The following GGACT variants were observed in gnomAD, a reference collection of about 807,000 sequenced individuals.
GGACT encodes gamma-glutamylaminecyclotransferase.
For missense variants in GGACT, 241 were observed against 233.2 expected (o/e 1.03, Z -0.22); for synonymous variants, 118 against 115.3 (o/e 1.02, Z -0.15).
At chr13:100,555,671 A>C (rs2088703162) in intron 2 of GGACT, among the ~76,000 whole-genome samples, 1 of 152,324 alleles carries the variant, frequency 6.6e-6, no homozygotes, top group Non-Finnish European at 1.5e-5. Context: ...GTCTCAAAAA[A>C]TAAAAAAAGA....
chr13:100,553,800 C>T lies in GGACT; in HGVS notation c.-10-21199G>A, dbSNP rs191225044. ...CAGAGGTTGCAGTGAGCCAAGATCG[C>T]GCCACTGCACTCCAGCGGGGGTGAC... On this transcript the variant is annotated intron_variant, in intron 2 of 2. Coordinates refer to ENST00000683975, the MANE Select transcript of GGACT (RefSeq NM_001195087.2). 1.7e-3 allele frequency among the ~76,000 whole-genome samples: 249 copies of T among 149,916 alleles called. 3 individuals carry two copies. Among genetic ancestry groups the T allele is most frequent in the Non-Finnish European group, 2.9e-3 (196 of 67,792 alleles).
At chr13:100,587,615 T>G (rs1486184113) in intron 1 of GGACT, among the ~76,000 whole-genome samples, 1 of 152,234 alleles carries the variant, frequency 6.6e-6, no homozygotes, top group Non-Finnish European at 1.5e-5. Context: ...CACTTACAGG[T>G]AAATGTACAT....
Position 100,532,569 on chromosome 13 carries a change from C to A in GGACT, c.23G>T (p.Gly8Val). MALVFVY[G>V]TLKRGQPNHR... Reference sequence around the variant, plus strand: ...GTTGGGCTGACCCCGCTTCAGGGTGCCGTACACGAAGACTAGGGCCATCCG... The same window carrying A: ...GTTGGGCTGACCCCGCTTCAGGGTGACGTACACGAAGACTAGGGCCATCCG... The change falls in exon 3 of 3, where the codon GGC becomes GTC. Residue 8 changes from glycine (G) to valine (V), a missense_variant. Gly to Val is a moderately radical substitution (Grantham distance 109). Coordinates refer to ENST00000683975, the MANE Select transcript of GGACT (RefSeq NM_001195087.2). 6.5e-7 allele frequency: 1 copy of A among 1,546,104 alleles called. No individual in the cohort carries two copies. Among genetic ancestry groups the A allele is most frequent in the Non-Finnish European group, 8.7e-7 (1 of 1,144,218 alleles).
intron 2 of GGACT, among the ~76,000 whole-genome samples, chr13:100,554,758 T>A (rs1001728370): frequency 2.6e-5 from 4 of 152,228 alleles, no homozygotes; most frequent in African/African-American, 4.8e-5. Context: ...AAAGGCTCGA[T>A]AGTTATTGAA....
chr13:100,557,468 T>C (rs530971917), intron 2 of GGACT, among the ~76,000 whole-genome samples: 1 of 152,316 alleles, frequency 6.6e-6, no homozygotes, highest in African/African-American at 2.4e-5. Flanking sequence ...AGTAGACCCC[T>C]ACTTGTAGGG....
At chr13:100,562,183 T>C (rs1000083056) in intron 2 of GGACT, among the ~76,000 whole-genome samples, 48 of 152,184 alleles carry the variant, frequency 3.2e-4, no homozygotes, top group African/African-American at 1.2e-3. Flanking sequence ...ATTTTATTCT[T>C]CTATAAAACG....
chr13:100,553,869 C>T (rs945831910), intron 2 of GGACT, among the ~76,000 whole-genome samples: 2 of 142,328 alleles, frequency 1.4e-5, no homozygotes, highest in African/African-American at 5.2e-5. Flanking sequence ...AAGGTAGTAA[C>T]AGCCAAAATG....
At chr13:100,550,166 G>A (rs573440872) in intron 2 of GGACT, among the ~76,000 whole-genome samples, 38 of 152,096 alleles carry the variant, frequency 2.5e-4, no homozygotes, top group Non-Finnish European at 4.9e-4. Context: ...ACGCACGGCC[G>A]GCCACTGTGT....
At position 100,534,967 on chromosome 13, in the gene GGACT, C is replaced by CT. The variant is rs1246619207; in HGVS notation, c.-10-2367dup. Among the ~76,000 whole-genome samples, 1 of 152,240 alleles carries CT rather than the reference C, an allele frequency of 6.6e-6. No homozygotes were observed. Among genetic ancestry groups the CT allele is most frequent in the African/African-American group, 2.4e-5 (1 of 41,474 alleles). ...GGCCTACTCAGTCTGTCACATCACT[C>CT]TGTCTGGTTGTCGTTATAGCACACG... On this transcript the variant is annotated intron_variant, in intron 2 of 2. Coordinates refer to ENST00000683975, the MANE Select transcript of GGACT (RefSeq NM_001195087.2). The surrounding 1 kb of genome is among the most constrained non-coding windows in gnomAD (Gnocchi z 4.9).
At chr13:100,549,843 C>T (rs72661029) in intron 2 of GGACT, among the ~76,000 whole-genome samples, 7,722 of 152,200 alleles carry the variant, frequency 0.051, 244 homozygotes, top group East Asian at 0.16. Flanking sequence ...CACATGAGCA[C>T]ATACACACAA....
intron 2 of GGACT, among the ~76,000 whole-genome samples, chr13:100,556,592 G>T (rs548749977): frequency 4.5e-4 from 67 of 148,404 alleles, no homozygotes; most frequent in Middle Eastern, 3.5e-3. Flanking sequence ...AATCCCAGGG[G>T]TTTTTTTTTT....
chr13:100,570,811 G>A (rs905907724), intron 2 of GGACT, among the ~76,000 whole-genome samples: 13 of 152,074 alleles, frequency 8.5e-5, no homozygotes, highest in Non-Finnish European at 1.8e-4. Context: ...CAGTAAATTT[G>A]TACCACAGAG....
intron 2 of GGACT, among the ~76,000 whole-genome samples, chr13:100,540,422 A>G (rs2088542527): frequency 6.6e-6 from 1 of 152,120 alleles, no homozygotes; most frequent in Admixed American, 6.6e-5. Flanking sequence ...TGTTCATAAT[A>G]TTCTCTTGGC....
rs749568349 is a variant in GGACT at position 100,532,319 on chromosome 13, C to T, written c.273G>A (p.Thr91=). Reference sequence around the variant, plus strand: ...CCTCCAGCAGCTGTACCCGCAGCACCGTGCGCTGGTACAGGGCCGGGCAAC... The same window carrying T: ...CCTCCAGCAGCTGTACCCGCAGCACTGTGCGCTGGTACAGGGCCGGGCAAC... The part of the protein sequence containing the change: ...FESCPALYQR[T]VLRVQLLEDR... The change falls in exon 3 of 3, where the codon ACG becomes ACA. Residue 91 remains threonine (T), a synonymous_variant. Coordinates refer to ENST00000683975, the MANE Select transcript of GGACT (RefSeq NM_001195087.2). The T allele has an allele frequency of 1.1e-5, 17 of 1,549,642 alleles. No homozygotes were observed. Among genetic ancestry groups the T allele is most frequent in the Non-Finnish European group, 1.4e-5 (16 of 1,146,034 alleles).
intron 1 of GGACT, among the ~76,000 whole-genome samples, chr13:100,585,019 A>G (rs1462900767): frequency 6.6e-6 from 1 of 152,260 alleles, no homozygotes; most frequent in East Asian, 1.9e-4. Flanking sequence ...CTTCTGAAGT[A>G]GACTTGCCAA....
Position 100,531,114 on chromosome 13 carries a change from AT to A in GGACT, c.*1015del, listed in dbSNP as rs1308640255. ...TAAAGATCACAGCAGCTGCATTTTCATTTGGTTCTGAAATCCTTGGAATACA... is the reference window on the plus strand; with the variant it reads ...TAAAGATCACAGCAGCTGCATTTTCATTGGTTCTGAAATCCTTGGAATACA... On this transcript the variant is annotated 3_prime_UTR_variant, in exon 3 of 3. Coordinates refer to ENST00000683975, the MANE Select transcript of GGACT (RefSeq NM_001195087.2). The A allele has an allele frequency of 1.3e-5, 2 of 152,230 alleles. No homozygotes were observed. The highest frequency in any genetic ancestry group is 2.9e-5 in the Non-Finnish European group (2 of 68,042). The allele number at this position is 152,230 out of a possible 1,614,324, so 9.4% of individuals were successfully genotyped here. A position where few individuals can be genotyped will look rare whatever the true frequency, so the allele number is the denominator to read the frequency against.
intron 2 of GGACT, among the ~76,000 whole-genome samples, chr13:100,580,887 G>C (rs1875395840): frequency 6.6e-6 from 1 of 152,204 alleles, no homozygotes; most frequent in African/African-American, 2.4e-5. Context: ...GGCTCTCGTT[G>C]TTTAAGTGGT....
chr13:100,577,060 A>C (rs186856600), intron 2 of GGACT, among the ~76,000 whole-genome samples: 1 of 152,316 alleles, frequency 6.6e-6, no homozygotes, highest in East Asian at 1.9e-4. Context: ...GAGATACATA[A>C]ACCAAATACA....
chr13:100,582,998 G>T (rs1316130707), intron 2 of GGACT, among the ~76,000 whole-genome samples: 4 of 151,654 alleles, frequency 2.6e-5, no homozygotes, highest in Admixed American at 6.6e-5. Flanking sequence ...TTTTTTTCTT[G>T]GTAAAAAAAA....
Sources: allele counts gnomAD v4.1 joint callset (sites outside exome capture counted in the v4.1 genomes callset), GRCh38; gene constraint gnomAD v4.1.1; non-coding constraint Gnocchi (gnomAD v3.1); transcripts MANE v1.5; gene names NCBI Gene and HGNC (gene_info 2026-07-23, HGNC 2026-07-21).